KIF4B: variants seen among roughly 807,000 people sequenced by gnomAD.
KIF4B encodes chromosome-associated kinesin KIF4B.
KIF4B carries 60 observed loss-of-function variants against 69.0 expected under a neutral mutation model. The ratio of observed to expected loss-of-function variants is 0.87; its 90% CI spans 0.71 to 1.08. The LOEUF (loss-of-function observed/expected upper bound fraction) is 1.08. Ranked by LOEUF, KIF4B falls within the 50% of genes least tolerant of loss-of-function variation. The pLI, the probability that KIF4B is intolerant of heterozygous loss-of-function variation, is 0.00. For missense variants in KIF4B, 1,357 were observed against 1,451.9 expected (o/e 0.93, Z 1.06); for synonymous variants, 489 against 533.0 (o/e 0.92, Z 1.14).
In KIF4B at chr5:155,014,062, C is replaced by T. The variant is rs1765279144; in HGVS notation, c.203C>T (p.Ala68Val). Reference sequence around the variant, plus strand: ...GAGCAGGAAGAAGTCTTCAATAAAGCAGTAGCGCCGCTCATAAAAGGCATA... The same window carrying T: ...GAGCAGGAAGAAGTCTTCAATAAAGTAGTAGCGCCGCTCATAAAAGGCATA... The part of the protein sequence containing the change: ...CTEQEEVFNK[A>V]VAPLIKGIFK... Residue 68 changes from alanine (A) to valine (V), a missense_variant, in exon 1 of 1, where the codon GCA (alanine) becomes GTA (valine). Ala to Val is a moderately conservative substitution (Grantham distance 64). Coordinates refer to ENST00000435029, the MANE Select transcript of KIF4B (RefSeq NM_001099293.3). 1.9e-6 allele frequency: 3 copies of T among 1,614,206 alleles called. No homozygotes were observed. Among genetic ancestry groups the T allele is most frequent in the Middle Eastern group, 1.6e-4 (1 of 6,062 alleles).
At position 155,015,914 on chromosome 5, in the gene KIF4B, G is replaced by A; in HGVS notation, c.2055G>A (p.Glu685=). 1.2e-6 allele frequency: 2 copies of A among 1,614,196 alleles called. No individual in the cohort carries two copies. Among genetic ancestry groups the A allele is most frequent in the Non-Finnish European group, 1.7e-6 (2 of 1,180,032 alleles). The change falls in exon 1 of 1, where the codon GAG becomes GAA. Residue 685 remains glutamate, a synonymous_variant. Transcript: ENST00000435029. The stretch of plus-strand genomic sequence containing the variant: ...AACGAGACCGTAAGAGGCAATATGA[G>A]CTGCTCAAACTTGAAAGAAACTTCC... ...LKERDRKRQY[E]LLKLERNFQK...
At position 155,017,525 on chromosome 5, in the gene KIF4B, C is replaced by T; in HGVS notation, c.3666C>T (p.Phe1222=). 2 of 1,613,444 alleles carry T rather than the reference C, an allele frequency of 1.2e-6. No homozygotes were observed. Among genetic ancestry groups the T allele is most frequent in the Non-Finnish European group, 1.7e-6 (2 of 1,179,794 alleles). ...KKRALASNTS[F]FSGCSPIEEE... is the part of the protein sequence containing the mutation. ...GAGCTCTGGCTAGCAACACCAGCTTCTTCTCTGGCTGCTCCCCTATCGAAG... is the reference window on the plus strand; with the variant it reads ...GAGCTCTGGCTAGCAACACCAGCTTTTTCTCTGGCTGCTCCCCTATCGAAG... Residue 1222 remains phenylalanine (F), a synonymous_variant, in exon 1 of 1, where the codon TTC becomes TTT. Coordinates refer to ENST00000435029, the MANE Select transcript of KIF4B (RefSeq NM_001099293.3).
rs569714371 is a variant in KIF4B, at chr5:155,014,915, T to C, written c.1056T>C (p.Asn352=). The C allele has an allele frequency of 2.1e-5, 34 of 1,614,160 alleles. No individual in the cohort carries two copies. In the East Asian group the frequency reaches 7.4e-4, roughly 35 times the overall value. ...TTGATCCCCACACAGCTGAACTTAATCATCTAAAGCAACAGGTACAACAGC... is the reference window on the plus strand; with the variant it reads ...TTGATCCCCACACAGCTGAACTTAACCATCTAAAGCAACAGGTACAACAGC... ...VNIDPHTAEL[N]HLKQQVQQLQ... The change falls in exon 1 of 1, where the codon AAT becomes AAC. Residue 352 remains asparagine, a synonymous_variant. Transcript: ENST00000435029.
In KIF4B at chr5:155,016,256, A is replaced by C. The variant is rs1169670894; in HGVS notation, c.2397A>C (p.Thr799=). ...CACCTCCTAAACTCCGGAAGTGTAC[A>C]TTCTCCCTTTCTGAGGTGCATGGTC... ...ENPPPKLRKC[T]FSLSEVHGQV... is the part of the protein sequence containing the mutation. The change falls in exon 1 of 1, where the codon ACA becomes ACC. Residue 799 remains threonine (T), a synonymous_variant. Coordinates refer to ENST00000435029, the MANE Select transcript of KIF4B (RefSeq NM_001099293.3). 3 of 1,614,210 alleles carry C rather than the reference A, an allele frequency of 1.9e-6. No homozygotes were observed. The East Asian group carries it at 6.7e-5, about 36-fold the overall frequency.
In KIF4B at chr5:155,015,016, A is replaced by G; in HGVS notation, c.1157A>G (p.Gln386Arg). The change falls in exon 1 of 1, where the codon CAA becomes CGA. Residue 386 changes from glutamine to arginine, a missense_variant. Transcript: ENST00000435029. ...AATGCAGAACCATCAGAGAATCTAC[A>G]ATCCCTGATGGAGAAGAATCAGTCC... ...SINAEPSENLQSLMEKNQSLV... is the reference protein window; with the variant it reads ...SINAEPSENLRSLMEKNQSLV... The G allele has an allele frequency of 6.2e-7, 1 of 1,614,208 alleles. No individual in the cohort carries two copies. The highest frequency in any genetic ancestry group is 8.5e-7 in the Non-Finnish European group (1 of 1,180,036).
chr5:155,016,973 C>T lies in KIF4B; in HGVS notation c.3114C>T (p.Ser1038=), dbSNP rs753692831. ...SRVKEKFLEQ[S]MDIEDLKYCS... is the part of the protein sequence containing the mutation. ...TTAAAGAAAAGTTTCTGGAGCAAAG[C>T]ATGGACATCGAGGATCTAAAATATT... is the stretch of plus-strand genomic sequence containing the variant. The change falls in exon 1 of 1, where the codon AGC becomes AGT. Residue 1038 remains serine, a synonymous_variant. Coordinates refer to ENST00000435029, the MANE Select transcript of KIF4B (RefSeq NM_001099293.3). The T allele has an allele frequency of 1.9e-6, 3 of 1,614,084 alleles. No homozygotes were observed. The highest frequency in any genetic ancestry group is 2.5e-6 in the Non-Finnish European group (3 of 1,180,042).
Position 155,014,223 on chromosome 5 carries a change from C to T in KIF4B, c.364C>T (p.Leu122Phe), listed in dbSNP as rs774655310. The T allele has an allele frequency of 8.7e-6, 14 of 1,614,094 alleles. No individual in the cohort carries two copies. Among genetic ancestry groups the T allele is most frequent in the African/African-American group, 1.3e-5 (1 of 74,928 alleles). ...CATTATTCCTAGGGTAATACAACTG[C>T]TCTTCAAAGAAATTGATAAAAAGAG... Reference protein sequence around the residue: ...VGIIPRVIQLLFKEIDKKSDF... With the variant: ...VGIIPRVIQLFFKEIDKKSDF... The change falls in exon 1 of 1, where the codon CTC (leucine) becomes TTC (phenylalanine). Residue 122 changes from leucine (L) to phenylalanine (F), a missense_variant. Coordinates refer to ENST00000435029, the MANE Select transcript of KIF4B (RefSeq NM_001099293.3).
Position 155,017,271 on chromosome 5 carries a change from T to C in KIF4B, c.3412T>C (p.Ser1138Pro). ...SLGTVEQTQD[S>P]EGSFKLEDPT... ...GGGCACTGTTGAACAGACCCAGGAT[T>C]CCGAAGGCTCCTTCAAACTGGAGGA... Residue 1138 changes from serine (S) to proline (P), a missense_variant, in exon 1 of 1, where the codon TCC becomes CCC. Ser to Pro is a moderately conservative substitution (Grantham distance 74). Coordinates refer to ENST00000435029, the MANE Select transcript of KIF4B (RefSeq NM_001099293.3). 1 of 1,614,140 alleles carries C rather than the reference T, an allele frequency of 6.2e-7. No individual in the cohort carries two copies. Among genetic ancestry groups the C allele is most frequent in the Non-Finnish European group, 8.5e-7 (1 of 1,180,028 alleles).
rs764485440 is a variant in KIF4B, at chr5:155,016,674, C to T, written c.2815C>T (p.Gln939Ter). Reference sequence around the variant, plus strand: ...GGTGCTATACCTTGTCAGCCAGCTGCAGGAAAGCCAAATGGCAGAGAAGCA... The same window carrying T: ...GGTGCTATACCTTGTCAGCCAGCTGTAGGAAAGCCAAATGGCAGAGAAGCA... Reference protein sequence around the residue: ...EKVLYLVSQLQESQMAEKQLE... With the variant: ...EKVLYLVSQL Residue 939 changes from glutamine to a stop codon, truncating the protein, a stop_gained, in exon 1 of 1, where the codon CAG (glutamine) becomes TAG (stop). Transcript: ENST00000435029. LOFTEE classifies it low-confidence loss of function (END_TRUNC). The T allele has an allele frequency of 1.2e-6, 2 of 1,614,176 alleles. No individual in the cohort carries two copies. The highest frequency in any genetic ancestry group is 1.7e-6 in the Non-Finnish European group (2 of 1,180,030).
Position 155,017,294 on chromosome 5 carries a change from G to A in KIF4B, c.3435G>A (p.Glu1145=). 1 of 1,614,198 alleles carries A rather than the reference G, an allele frequency of 6.2e-7. No individual in the cohort carries two copies. The highest frequency in any genetic ancestry group is 8.5e-7 in the Non-Finnish European group (1 of 1,180,038). The change falls in exon 1 of 1, where the codon GAG becomes GAA. Residue 1145 remains glutamate, a synonymous_variant. Transcript: ENST00000435029. ...ATTCCGAAGGCTCCTTCAAACTGGA[G>A]GATCCTACCGAGGTGACCCCAGGAT... ...TQDSEGSFKL[E]DPTEVTPGLS...
chr5:155,016,551 A>C lies in KIF4B; in HGVS notation c.2692A>C (p.Met898Leu). The change falls in exon 1 of 1, where the codon ATG (methionine) becomes CTG (leucine). Residue 898 changes from methionine (M) to leucine (L), a missense_variant. Met to Leu is a conservative substitution (Grantham distance 15). Transcript: ENST00000435029. Reference protein sequence around the residue: ...LRQSKASCADMQKMLFEEQNH... With the variant: ...LRQSKASCADLQKMLFEEQNH... ...ACAGAGCAAGGCCAGCTGTGCTGAC[A>C]TGCAGAAGATGCTATTTGAGGAACA... is the stretch of plus-strand genomic sequence containing the variant. 3 of 1,614,178 alleles carry C rather than the reference A, an allele frequency of 1.9e-6. No individual in the cohort carries two copies.
Position 155,015,810 on chromosome 5 carries a change from A to C in KIF4B, c.1951A>C (p.Met651Leu). 6.2e-7 allele frequency: 1 copy of C among 1,614,238 alleles called. No individual in the cohort carries two copies. The highest frequency in any genetic ancestry group is 8.5e-7 in the Non-Finnish European group (1 of 1,180,040). The change falls in exon 1 of 1, where the codon ATG (methionine) becomes CTG (leucine). Residue 651 changes from methionine (M) to leucine (L), a missense_variant. By Grantham distance (15) the Met-to-Leu change is conservative. Coordinates refer to ENST00000435029, the MANE Select transcript of KIF4B (RefSeq NM_001099293.3). ...WMMKNQRVQLMRQMKEDAEKF... is the reference protein window; with the variant it reads ...WMMKNQRVQLLRQMKEDAEKF... ...GATGAAAAACCAGCGGGTACAGTTA[A>C]TGCGTCAAATGAAAGAGGATGCTGA...
chr5:155,015,668 G>T lies in KIF4B; in HGVS notation c.1809G>T (p.Gln603His). Residue 603 changes from glutamine (Q) to histidine (H), a missense_variant, in exon 1 of 1, where the codon CAG (glutamine) becomes CAT (histidine). Physicochemically the swap from Gln to His is conservative, Grantham distance 24. Transcript: ENST00000435029. ...KLSEHRHKLL[Q>H]ELEGQIADLK... is the part of the protein sequence containing the mutation. ...GTGAGCACCGCCACAAACTTCTCCA[G>T]GAGCTGGAGGGTCAAATAGCTGATC... is the stretch of plus-strand genomic sequence containing the variant. 6.2e-7 allele frequency: 1 copy of T among 1,614,200 alleles called. No individual in the cohort carries two copies. Among genetic ancestry groups the T allele is most frequent in the South Asian group, 1.1e-5 (1 of 91,082 alleles).
chr5:155,016,375 A>C lies in KIF4B; in HGVS notation c.2516A>C (p.Gln839Pro). 1.2e-6 allele frequency: 2 copies of C among 1,614,238 alleles called. No individual in the cohort carries two copies. The change falls in exon 1 of 1, where the codon CAG becomes CCG. Residue 839 changes from glutamine (Q) to proline (P), a missense_variant. Physicochemically the swap from Gln to Pro is moderately conservative, Grantham distance 76. Transcript: ENST00000435029. The stretch of plus-strand genomic sequence containing the variant: ...AGTGCTCAGATTGCTGACCTACAGC[A>C]GAAGCTGCTGGATGCAGAAAGTGAA... ...LRSAQIADLQQKLLDAESEDR... is the reference protein window; with the variant it reads ...LRSAQIADLQPKLLDAESEDR...
chr5:155,016,860 A>G lies in KIF4B; in HGVS notation c.3001A>G (p.Ser1001Gly). The G allele has an allele frequency of 6.2e-7, 1 of 1,614,222 alleles. No individual in the cohort carries two copies. The highest frequency in any genetic ancestry group is 8.5e-7 in the Non-Finnish European group (1 of 1,180,046). Residue 1001 changes from serine to glycine, a missense_variant, in exon 1 of 1, where the codon AGC (serine) becomes GGC (glycine). Physicochemically the swap from Ser to Gly is moderately conservative, Grantham distance 56 (BLOSUM62 0). Coordinates refer to ENST00000435029, the MANE Select transcript of KIF4B (RefSeq NM_001099293.3). ...KQKLILLQVA[S>G]RQKHLPNDTL... ...GAAACTGATCCTCCTCCAGGTAGCC[A>G]GCAGACAGAAACATCTTCCTAATGA...
rs142709928 is a variant in KIF4B at position 155,016,982 on chromosome 5, C to G, written c.3123C>G (p.Ile1041Met). Residue 1041 changes from isoleucine to methionine, a missense_variant, in exon 1 of 1, where the codon ATC (isoleucine) becomes ATG (methionine). Ile to Met is a conservative substitution (Grantham distance 10). Transcript: ENST00000435029. ...KEKFLEQSMD[I>M]EDLKYCSEHS... ...AGTTTCTGGAGCAAAGCATGGACAT[C>G]GAGGATCTAAAATATTGTTCAGAGC... 6.2e-7 allele frequency: 1 copy of G among 1,614,138 alleles called. No individual in the cohort carries two copies. The highest frequency in any genetic ancestry group is 1.7e-5 in the Admixed American group (1 of 60,014).
In KIF4B at chr5:155,014,797, T is replaced by G; in HGVS notation, c.938T>G (p.Val313Gly). Residue 313 changes from valine (V) to glycine (G), a missense_variant, in exon 1 of 1, where the codon GTG becomes GGG. Physicochemically the swap from Val to Gly is moderately radical, Grantham distance 109. Transcript: ENST00000435029. The part of the protein sequence containing the change: ...GNSHTLMIAC[V>G]SPADSNLEET... ...AGCCACACTCTTATGATAGCCTGTG[T>G]GAGTCCTGCTGACTCCAATCTAGAG... 1 of 1,614,208 alleles carries G rather than the reference T, an allele frequency of 6.2e-7. No individual in the cohort carries two copies. Among genetic ancestry groups the G allele is most frequent in the Non-Finnish European group, 8.5e-7 (1 of 1,180,038 alleles).
rs760405918 is a variant in KIF4B at position 155,016,403 on chromosome 5, T to C, written c.2544T>C (p.Asp848=). Residue 848 remains aspartate, a synonymous_variant, in exon 1 of 1, where the codon GAT becomes GAC. Coordinates refer to ENST00000435029, the MANE Select transcript of KIF4B (RefSeq NM_001099293.3). ...AGCTGCTGGATGCAGAAAGTGAAGA[T>C]AGGCCAAAACAATGCTGGGAGAATA... ...QQKLLDAESE[D]RPKQCWENIA... The C allele has an allele frequency of 1.2e-6, 2 of 1,614,178 alleles. No homozygotes were observed. The highest frequency in any genetic ancestry group is 1.7e-5 in the Admixed American group (1 of 60,022).
At position 155,017,472 on chromosome 5, in the gene KIF4B, A is replaced by G. The variant is rs1168677856; in HGVS notation, c.3613A>G (p.Asn1205Asp). ...SKHGATEYQQ[N>D]KPPGKKKKRA... is the part of the protein sequence containing the mutation. ...ACATGGAGCAACAGAATACCAACAAAATAAGCCTCCAGGGAAGAAAAAGAA... is the reference window on the plus strand; with the variant it reads ...ACATGGAGCAACAGAATACCAACAAGATAAGCCTCCAGGGAAGAAAAAGAA... The change falls in exon 1 of 1, where the codon AAT (asparagine) becomes GAT (aspartate). Residue 1205 changes from asparagine (N) to aspartate (D), a missense_variant. Asn to Asp is a conservative substitution (Grantham distance 23). Coordinates refer to ENST00000435029, the MANE Select transcript of KIF4B (RefSeq NM_001099293.3). 2.5e-6 allele frequency: 4 copies of G among 1,613,984 alleles called. No individual in the cohort carries two copies. The highest frequency in any genetic ancestry group is 3.4e-6 in the Non-Finnish European group (4 of 1,180,014).
Sources: gnomAD v4.1 joint callset for allele counts on GRCh38, gnomAD v4.1.1 for gene constraint, MANE v1.5 for transcripts, NCBI Gene and HGNC (gene_info 2026-07-23, HGNC 2026-07-21) for gene names.